The following BRMS1L variants were observed in gnomAD, a reference collection of about 807,000 sequenced individuals.
BRMS1L encodes the protein BRMS1 like transcriptional repressor.
Under a neutral mutation model 50.3 loss-of-function variants are expected in BRMS1L, and 23 were observed. The observed-to-expected ratio is 0.46, with a 90% CI of 0.33 to 0.65. The LOEUF (loss-of-function observed/expected upper bound fraction) is 0.65. BRMS1L is among the 30% of genes least tolerant of loss of function. The pLI is 0.02. For missense variants in BRMS1L, 286 were observed against 386.1 expected (o/e 0.74, Z 2.17); for synonymous variants, 114 against 126.9 (o/e 0.90, Z 0.69).
intron 4 of BRMS1L, among the ~76,000 whole-genome samples, chr14:35,856,625 T>C (rs1464734228): frequency 1.3e-5 from 2 of 151,612 alleles, no homozygotes; most frequent in Non-Finnish European, 2.9e-5. Flanking sequence ...GGGGGGTTTG[T>C]TTTTGAGACA....
chr14:35,834,868 A>G lies in BRMS1L; in HGVS notation c.386A>G (p.Glu129Gly). The G allele has an allele frequency of 3.8e-6, 6 of 1,589,128 alleles. No individual in the cohort carries two copies. The highest frequency in any genetic ancestry group is 5.1e-6 in the Non-Finnish European group (6 of 1,168,306). The change falls in exon 4 of 10, where the codon GAA becomes GGA. Residue 129 changes from glutamate (E) to glycine (G), a missense_variant. Around this residue, in one of 5 missense-constraint regions of BRMS1L, gnomAD observed 160 missense variants for 240.6 expected, o/e 0.66. Coordinates refer to ENST00000216807, the MANE Select transcript of BRMS1L (RefSeq NM_032352.4). Reference sequence around the variant, plus strand: ...GGAATCTATAGAGAGCTCTGCTTAGAATCTGTAAAGAACAAATATGAATGT... The same window carrying G: ...GGAATCTATAGAGAGCTCTGCTTAGGATCTGTAAAGAACAAATATGAATGT... Reference protein sequence around the residue: ...VAGIYRELCLESVKNKYECEI... With the variant: ...VAGIYRELCLGSVKNKYECEI...
chr14:35,869,293 G>C (rs1035075659), intron 9 of BRMS1L, among the ~76,000 whole-genome samples: 10 of 152,214 alleles, frequency 6.6e-5, no homozygotes, highest in Middle Eastern at 3.4e-3. Flanking sequence ...GATCTTTCCT[G>C]TAGTAATTCC....
intron 4 of BRMS1L, among the ~76,000 whole-genome samples, chr14:35,857,589 G>A (rs1263531701): frequency 6.6e-6 from 1 of 151,944 alleles, no homozygotes; most frequent in Non-Finnish European, 1.5e-5. Flanking sequence ...CCAAAGTGCT[G>A]GAATTATAAG....
At chr14:35,836,230 T>G (rs1004456243) in intron 4 of BRMS1L, among the ~76,000 whole-genome samples, 5 of 152,248 alleles carry the variant, frequency 3.3e-5, no homozygotes, top group African/African-American at 1.2e-4. Context: ...GCTTTGCAAA[T>G]CTTTTTGCCC....
intron 6 of BRMS1L, among the ~76,000 whole-genome samples, 173 bp from the exon 7 acceptor site, chr14:35,864,762 T>C (rs2078399658): frequency 6.6e-6 from 1 of 152,194 alleles, no homozygotes; most frequent in African/African-American, 2.4e-5. Context: ...TCAGAAGTAC[T>C]AGACTGTATT....
intron 2 of BRMS1L, among the ~76,000 whole-genome samples, chr14:35,832,238 C>T (rs1317690829): frequency 6.7e-6 from 1 of 149,400 alleles, no homozygotes; most frequent in Non-Finnish European, 1.5e-5. Flanking sequence ...GGCACGGTGG[C>T]TTACGCCTGT....
chr14:35,867,198 G>A (rs2078432693), intron 8 of BRMS1L, among the ~76,000 whole-genome samples: 1 of 152,140 alleles, frequency 6.6e-6, no homozygotes, highest in African/African-American at 2.4e-5. Context: ...AGGGGAGGTG[G>A]AATCATATAT....
chr14:35,828,625 C>T (rs187973517), intron 1 of BRMS1L, among the ~76,000 whole-genome samples: 13 of 152,178 alleles, frequency 8.5e-5, no homozygotes, highest in South Asian at 4.2e-4. Flanking sequence ...AGGCATGCGC[C>T]GCCACGCTCA....
chr14:35,868,309 G>A (rs1425330831), intron 9 of BRMS1L, among the ~76,000 whole-genome samples: 1 of 152,154 alleles, frequency 6.6e-6, no homozygotes, highest in African/African-American at 2.4e-5. Flanking sequence ...TCTTTTAGTA[G>A]GTGAATCGTT....
intron 4 of BRMS1L, among the ~76,000 whole-genome samples, chr14:35,838,106 G>A (rs149496110): frequency 3.3e-5 from 5 of 152,228 alleles, no homozygotes; most frequent in African/African-American, 1.2e-4. Context: ...TCCCACTTAT[G>A]AGTGAGAACA....
At chr14:35,827,990 A>C (rs2077866454) in intron 1 of BRMS1L, among the ~76,000 whole-genome samples, 1 of 152,126 alleles carries the variant, frequency 6.6e-6, no homozygotes, top group Admixed American at 6.5e-5. Context: ...AAAGAACAGG[A>C]AAGTATAGAT....
At chr14:35,836,919 GC>G (rs1250728778) in intron 4 of BRMS1L, among the ~76,000 whole-genome samples, 1 of 152,096 alleles carries the variant, frequency 6.6e-6, no homozygotes, top group Non-Finnish European at 1.5e-5. Context: ...ATTTCCTTGA[GC>G]AGTGGTTTGT....
intron 4 of BRMS1L, among the ~76,000 whole-genome samples, chr14:35,840,193 A>T (rs528369275): frequency 6.6e-6 from 1 of 152,262 alleles, no homozygotes; most frequent in South Asian, 2.1e-4. Flanking sequence ...TGTATGTTGA[A>T]CCAGCCTTGC....
rs146991596 is a variant in BRMS1L at position 35,862,945 on chromosome 14, G to T, written c.538+259G>T. On this transcript the variant is annotated intron_variant, in intron 5 of 9. Transcript: ENST00000216807. The stretch of plus-strand genomic sequence containing the variant: ...ATGACAGGAACCTACTGGCAGAATA[G>T]TGTCAGGGCTGGATGTGGTGCTGCA... Among the ~76,000 whole-genome samples, 25 of 152,280 alleles carry T rather than the reference G, an allele frequency of 1.6e-4. No individual in the cohort carries two copies. The East Asian group carries it at 3.9e-3, about 24-fold the overall frequency.
chr14:35,864,011 A>G, intron 6 of BRMS1L, 58 bp downstream of exon 6: 1 of 1,298,036 alleles, frequency 7.7e-7, no homozygotes, highest in Non-Finnish European at 1.1e-6. Flanking sequence ...TCCATTGTGC[A>G]TGCCTTTATA....
At chr14:35,868,058 G>A (rs1566432141) in intron 9 of BRMS1L, 26 bp downstream of exon 9, 1 of 1,574,028 alleles carries the variant, frequency 6.4e-7, no homozygotes. Context: ...TTATTTCAGT[G>A]TTGCTCAGTA....
chr14:35,838,124 T>C (rs2078017857), intron 4 of BRMS1L, among the ~76,000 whole-genome samples: 1 of 152,174 alleles, frequency 6.6e-6, no homozygotes, highest in South Asian at 2.1e-4. Context: ...ACACGCGGTG[T>C]TTTGTTTTCT....
At chr14:35,838,829 A>T (rs1275311598) in intron 4 of BRMS1L, among the ~76,000 whole-genome samples, 2 of 152,096 alleles carry the variant, frequency 1.3e-5, no homozygotes, top group South Asian at 2.1e-4. Flanking sequence ...TTGCCTGTTC[A>T]CTCTGATGAT....
chr14:35,862,539 A>C, intron 4 of BRMS1L, 51 bp from the exon 5 acceptor site: 1 of 1,295,030 alleles, frequency 7.7e-7, no homozygotes, highest in Non-Finnish European at 1.1e-6. Context: ...CTTAGTTAAG[A>C]TACACCAATT....
Sources: gnomAD v4.1 joint callset for allele counts (sites outside exome capture counted in the v4.1 genomes callset) on GRCh38, gnomAD v4.1.1 for gene constraint, gnomAD v4.1.1 regional missense constraint, MANE v1.5 for transcripts, NCBI Gene and HGNC (gene_info 2026-07-23, HGNC 2026-07-21) for gene names.